GPC6: variants seen among roughly 807,000 people sequenced by gnomAD.
GPC6 encodes glypican 6, also known as glypican-6.
Under a neutral mutation model 55.2 loss-of-function variants are expected in GPC6, and 14 were observed. That is an observed-to-expected ratio of 0.25 (90% CI 0.17 to 0.40). The LOEUF (loss-of-function observed/expected upper bound fraction) is 0.40, where lower values mean the gene tolerates loss of function less well. GPC6 is among the 10% of genes least tolerant of loss of function. The pLI, the probability that GPC6 is intolerant of heterozygous loss-of-function variation, is 1.00. For missense variants in GPC6, 641 were observed against 708.5 expected (o/e 0.90, Z 1.08); for synonymous variants, 278 against 259.6 (o/e 1.07, Z -0.68).
intron 1 of GPC6, among the ~76,000 whole-genome samples, chr13:93,490,560 G>T: frequency 8.9e-6 from 1 of 112,446 alleles, no homozygotes; most frequent in Non-Finnish European, 1.7e-5. Flanking sequence ...GGGTACATGT[G>T]CACGTTGTGC....
intron 3 of GPC6, among the ~76,000 whole-genome samples, chr13:93,954,562 T>C (rs1259408610): frequency 6.6e-6 from 1 of 152,172 alleles, no homozygotes; most frequent in African/African-American, 2.4e-5. Flanking sequence ...ATGCTTTGTT[T>C]TTACCCATGC....
intron 6 of GPC6, among the ~76,000 whole-genome samples, chr13:94,345,679 AGCT>A (rs1190133600): frequency 2.0e-5 from 3 of 152,232 alleles, no homozygotes; most frequent in Admixed American, 2.0e-4. Context: ...AAAGCTGTTC[AGCT>A]CTCTTGAGAA....
At chr13:93,969,056 T>C (rs1396216136) in intron 3 of GPC6, among the ~76,000 whole-genome samples, 1 of 152,134 alleles carries the variant, frequency 6.6e-6, no homozygotes, top group Non-Finnish European at 1.5e-5. Context: ...ATGCTAAACA[T>C]TTAGAAGATG....
intron 2 of GPC6, among the ~76,000 whole-genome samples, chr13:93,600,473 A>G (rs1877958594): frequency 6.6e-6 from 1 of 152,138 alleles, no homozygotes; most frequent in African/African-American, 2.4e-5. Flanking sequence ...TCTATGTTAA[A>G]CTTTCTAAGA....
intron 1 of GPC6, among the ~76,000 whole-genome samples, chr13:93,373,571 T>C (rs563219579): frequency 6.6e-6 from 1 of 152,326 alleles, no homozygotes; most frequent in East Asian, 1.9e-4. Context: ...AGAATACATC[T>C]CTTGTGGTTT....
chr13:93,732,419 C>T lies in GPC6; in HGVS notation c.320-97735C>T, dbSNP rs186541910. On this transcript the variant is annotated intron_variant, in intron 2 of 8. Transcript: ENST00000377047. Reference sequence around the variant, plus strand: ...GTTTATCTCAAGTGAAAAAGACAAGCAATGAGACCCCTGGGAGCGCTGAAA... The same window carrying T: ...GTTTATCTCAAGTGAAAAAGACAAGTAATGAGACCCCTGGGAGCGCTGAAA... Among the ~76,000 whole-genome samples, 5 of 152,186 alleles carry T rather than the reference C, an allele frequency of 3.3e-5. No homozygotes were observed. The East Asian group carries it at 9.7e-4, about 29-fold the overall frequency.
At chr13:93,933,525 A>AT (rs142727704) in intron 3 of GPC6, among the ~76,000 whole-genome samples, 2,075 of 149,008 alleles carry the variant, frequency 0.014, 35 homozygotes, top group East Asian at 0.088. Context: ...TTTTGCTTCC[A>AT]TTTTTTTTTT....
intron 4 of GPC6, among the ~76,000 whole-genome samples, chr13:94,079,081 A>G (rs1885018967): frequency 6.6e-6 from 1 of 152,246 alleles, no homozygotes; most frequent in Non-Finnish European, 1.5e-5. Flanking sequence ...CAAATAAAAA[A>G]CAGTACAGTA....
At chr13:93,254,204 T>A (rs1876876498) in intron 1 of GPC6, among the ~76,000 whole-genome samples, 1 of 152,054 alleles carries the variant, frequency 6.6e-6, no homozygotes. Context: ...CATGTGCCTG[T>A]AGTCCCAGCT....
At chr13:94,048,140 A>T (rs1331802908) in intron 4 of GPC6, among the ~76,000 whole-genome samples, 1 of 152,072 alleles carries the variant, frequency 6.6e-6, no homozygotes, top group Non-Finnish European at 1.5e-5. Context: ...TGAGGAAAAC[A>T]TATAGACTAT....
intron 1 of GPC6, among the ~76,000 whole-genome samples, chr13:93,489,147 A>G (rs1203085332): frequency 6.6e-6 from 1 of 151,476 alleles, no homozygotes; most frequent in African/African-American, 2.4e-5. Flanking sequence ...TAATTTTTGT[A>G]TAAGGTGTAA....
At chr13:93,733,274 C>G (rs751378575) in intron 2 of GPC6, among the ~76,000 whole-genome samples, 1 of 151,914 alleles carries the variant, frequency 6.6e-6, no homozygotes, top group Non-Finnish European at 1.5e-5. Flanking sequence ...ATAAGTAATA[C>G]TATGTATTTT....
chr13:93,262,286 G>A (rs906100244), intron 1 of GPC6, among the ~76,000 whole-genome samples: 3 of 151,602 alleles, frequency 2.0e-5, no homozygotes, highest in Non-Finnish European at 4.4e-5. Context: ...AGGAAAGAAG[G>A]AAGGGTTCCC....
chr13:93,999,902 G>A (rs1881724194), intron 3 of GPC6, among the ~76,000 whole-genome samples: 1 of 152,210 alleles, frequency 6.6e-6, no homozygotes, highest in African/African-American at 2.4e-5. Flanking sequence ...TGAAAGCGAG[G>A]CAATGAAGTT....
chr13:93,892,837 T>C (rs1328156098), intron 3 of GPC6, among the ~76,000 whole-genome samples: 1 of 152,138 alleles, frequency 6.6e-6, no homozygotes, highest in Non-Finnish European at 1.5e-5. Flanking sequence ...GGAGATGTGT[T>C]CTTCATAAGC....
intron 4 of GPC6, among the ~76,000 whole-genome samples, chr13:94,283,574 A>G (rs1187211713): frequency 6.6e-6 from 1 of 152,238 alleles, no homozygotes; most frequent in African/African-American, 2.4e-5. Flanking sequence ...CCAACCCTGT[A>G]CTAACACAGA....
chr13:93,506,967 A>G (rs1416497996), intron 1 of GPC6, among the ~76,000 whole-genome samples: 1 of 148,918 alleles, frequency 6.7e-6, no homozygotes, highest in Non-Finnish European at 1.5e-5. Context: ...AGGCTGAGAC[A>G]GAATGGTGTG....
chr13:93,465,239 C>T (rs1248437437), intron 1 of GPC6, among the ~76,000 whole-genome samples: 1 of 152,182 alleles, frequency 6.6e-6, no homozygotes, highest in Admixed American at 6.5e-5. Flanking sequence ...CTGCATTAGC[C>T]TCTAAAAAGA....
intron 2 of GPC6, among the ~76,000 whole-genome samples, chr13:93,799,193 G>C (rs1488120486): frequency 6.6e-6 from 1 of 152,156 alleles, no homozygotes; most frequent in Non-Finnish European, 1.5e-5. Flanking sequence ...TCCAGTTCTT[G>C]AAGTTTAGTA....
Sources: gnomAD v4.1 joint callset for allele counts (sites outside exome capture counted in the v4.1 genomes callset) on GRCh38, gnomAD v4.1.1 for gene constraint, MANE v1.5 for transcripts, NCBI Gene and HGNC (gene_info 2026-07-23, HGNC 2026-07-21) for gene names.